The following CAMTA1 variants were observed in gnomAD, a reference collection of about 807,000 sequenced individuals.
CAMTA1 encodes the protein calmodulin-binding transcription activator 1.
A neutral mutation model predicts 170.9 loss-of-function variants in CAMTA1; 27 were observed. The ratio of observed to expected loss-of-function variants is 0.16; its 90% CI spans 0.12 to 0.22. The LOEUF (loss-of-function observed/expected upper bound fraction) is 0.22, where lower values mean the gene tolerates loss of function less well. Ranked by LOEUF, CAMTA1 falls within the 10% of genes least tolerant of loss-of-function variation. CAMTA1 has a pLI of 1.00. For missense variants in CAMTA1, 1,619 were observed against 2,217.2 expected (o/e 0.73, Z 5.42); for synonymous variants, 833 against 891.5 (o/e 0.93, Z 1.17).
chr1:7,638,829 G>T (rs1336919208), intron 6 of CAMTA1, among the ~76,000 whole-genome samples: 2 of 152,242 alleles, frequency 1.3e-5, no homozygotes, highest in South Asian at 2.1e-4. Context: ...GCCACCGAAG[G>T]CCCCATGCTC....
At chr1:7,502,628 G>C (rs1327836920) in intron 6 of CAMTA1, among the ~76,000 whole-genome samples, 1 of 152,110 alleles carries the variant, frequency 6.6e-6, no homozygotes, top group Non-Finnish European at 1.5e-5. Flanking sequence ...GTCGAGGAGT[G>C]GGGGGGCCTC....
intron 6 of CAMTA1, among the ~76,000 whole-genome samples, chr1:7,528,252 A>G (rs978170782): frequency 6.6e-6 from 1 of 152,184 alleles, no homozygotes; most frequent in Non-Finnish European, 1.5e-5. Context: ...CTTAGCCCTC[A>G]AGGAAAAAGG....
chr1:7,408,211 G>C (rs869132688), intron 5 of CAMTA1, among the ~76,000 whole-genome samples: 1 of 152,202 alleles, frequency 6.6e-6, no homozygotes, highest in South Asian at 2.1e-4. Flanking sequence ...AGGGCCCCCG[G>C]CAAGCCTGGC....
At chr1:7,078,899 C>T (rs1343211307) in intron 3 of CAMTA1, among the ~76,000 whole-genome samples, 4 of 152,182 alleles carry the variant, frequency 2.6e-5, no homozygotes, top group Non-Finnish European at 4.4e-5. Flanking sequence ...GTTGATACAT[C>T]TAGAATTTGC....
chr1:7,336,054 T>C (rs1375030212), intron 5 of CAMTA1, among the ~76,000 whole-genome samples: 24 of 152,316 alleles, frequency 1.6e-4, no homozygotes. Context: ...ATTATCCCAC[T>C]GAAACACAAA....
At chr1:6,912,630 G>C (rs746561941) in intron 3 of CAMTA1, among the ~76,000 whole-genome samples, 4 of 152,254 alleles carry the variant, frequency 2.6e-5, no homozygotes, top group Non-Finnish European at 5.9e-5. Flanking sequence ...CCGCAGGGGA[G>C]GAGGATTTTG....
At chr1:6,837,934 A>T (rs1349193804) in intron 3 of CAMTA1, among the ~76,000 whole-genome samples, 1 of 152,196 alleles carries the variant, frequency 6.6e-6, no homozygotes, top group Non-Finnish European at 1.5e-5. Flanking sequence ...CATCTAATAT[A>T]CTGTGTAAAT....
At chr1:7,142,662 G>A (rs1241532867) in intron 4 of CAMTA1, among the ~76,000 whole-genome samples, 2 of 152,318 alleles carry the variant, frequency 1.3e-5, no homozygotes, top group East Asian at 3.9e-4. Flanking sequence ...AAAAGAGCCT[G>A]GCACATTCCT....
At chr1:6,936,905 G>A (rs940998750) in intron 3 of CAMTA1, among the ~76,000 whole-genome samples, 5 of 152,038 alleles carry the variant, frequency 3.3e-5, no homozygotes, top group Admixed American at 6.6e-5. Flanking sequence ...GGAGAATGGC[G>A]TGAACCCGAG....
At chr1:6,901,907 A>G (rs920164219) in intron 3 of CAMTA1, among the ~76,000 whole-genome samples, 1 of 151,952 alleles carries the variant, frequency 6.6e-6, no homozygotes, top group Non-Finnish European at 1.5e-5. Flanking sequence ...TTAGCCGGGC[A>G]TGGTGGTGGG....
chr1:7,017,746 G>A (rs1700757351), intron 3 of CAMTA1, among the ~76,000 whole-genome samples: 1 of 152,194 alleles, frequency 6.6e-6, no homozygotes, highest in Non-Finnish European at 1.5e-5. Context: ...ATGACCAAGT[G>A]CCCCAGAAAC....
chr1:7,147,627 TCAAA>T (rs1240726503), intron 4 of CAMTA1, among the ~76,000 whole-genome samples: 1 of 121,230 alleles, frequency 8.2e-6, no homozygotes, highest in African/African-American at 3.2e-5. Flanking sequence ...ACACACACAC[TCAAA>T]CATACACCAC....
chr1:7,116,347 G>C (rs1461222170), intron 4 of CAMTA1, among the ~76,000 whole-genome samples: 2 of 152,098 alleles, frequency 1.3e-5, no homozygotes, highest in Non-Finnish European at 2.9e-5. Context: ...CCAATCTTTC[G>C]AGGCAGGGCA....
chr1:6,836,295 A>G (rs1653077311), intron 3 of CAMTA1, among the ~76,000 whole-genome samples: 1 of 152,234 alleles, frequency 6.6e-6, no homozygotes, highest in South Asian at 2.1e-4. Flanking sequence ...GATGGATGAG[A>G]AACCACAGAT....
chr1:6,844,252 G>A (rs1657038063), intron 3 of CAMTA1, among the ~76,000 whole-genome samples: 1 of 152,160 alleles, frequency 6.6e-6, no homozygotes, highest in Non-Finnish European at 1.5e-5. Flanking sequence ...GGATATATTA[G>A]CAGGGCTTCT....
chr1:7,603,390 G>A (rs2095462078), intron 6 of CAMTA1, among the ~76,000 whole-genome samples: 1 of 152,162 alleles, frequency 6.6e-6, no homozygotes, highest in Non-Finnish European at 1.5e-5. Flanking sequence ...ATATTATTTA[G>A]GATAGTTAGC....
intron 3 of CAMTA1, among the ~76,000 whole-genome samples, chr1:6,917,546 G>A (rs890535488): frequency 4.1e-5 from 6 of 145,122 alleles, no homozygotes; most frequent in Non-Finnish European, 6.0e-5. Context: ...CTTGGCCATC[G>A]ATCAGACATT....
intron 6 of CAMTA1, among the ~76,000 whole-genome samples, chr1:7,607,235 G>C (rs565728522): frequency 7.2e-5 from 11 of 151,748 alleles, no homozygotes; most frequent in African/African-American, 2.4e-4. Context: ...TGGATGGGCA[G>C]CTGGATGGAT....
intron 4 of CAMTA1, among the ~76,000 whole-genome samples, chr1:7,226,910 G>A (rs1012127952): frequency 3.3e-4 from 50 of 152,098 alleles, no homozygotes; most frequent in African/African-American, 1.2e-3. Flanking sequence ...TCGGCTCACT[G>A]CAAGCTCCGC....
Sources: allele counts gnomAD v4.1 joint callset (sites outside exome capture counted in the v4.1 genomes callset), GRCh38; gene constraint gnomAD v4.1.1; transcripts MANE v1.5; gene names NCBI Gene and HGNC (gene_info 2026-07-23, HGNC 2026-07-21).